ASAP1: variants seen among roughly 807,000 people sequenced by gnomAD.
The protein encoded by ASAP1 is ArfGAP with SH3 domain, ankyrin repeat and PH domain 1.
A neutral mutation model predicts 145.2 loss-of-function variants in ASAP1; 43 were observed. The ratio of observed to expected loss-of-function variants is 0.30; its 90% confidence interval spans 0.23 to 0.38. The LOEUF (loss-of-function observed/expected upper bound fraction) is 0.38, where lower values mean the gene tolerates loss of function less well. Among genes scored for constraint, ASAP1 ranks in the 10% least tolerant of loss-of-function variants. ASAP1 has a pLI of 1.00. For missense variants in ASAP1, 1,018 were observed against 1,355.3 expected (o/e 0.75, Z 3.91); for synonymous variants, 546 against 515.5 (o/e 1.06, Z -0.80).
intron 13 of ASAP1, among the ~76,000 whole-genome samples, chr8:130,148,598 G>T (rs2097638657): frequency 6.6e-6 from 1 of 152,070 alleles, no homozygotes; most frequent in Admixed American, 6.5e-5. Flanking sequence ...ATGTGACACT[G>T]GTTAATTCAC....
At chr8:130,235,562 T>C (rs1818165666) in intron 4 of ASAP1, among the ~76,000 whole-genome samples, 1 of 151,910 alleles carries the variant, frequency 6.6e-6, no homozygotes, top group Admixed American at 6.6e-5. Flanking sequence ...AGGGCAGGAG[T>C]TATAAATTAG....
chr8:130,437,528 T>A (rs1027944148), intron 1 of ASAP1, among the ~76,000 whole-genome samples: 3 of 152,150 alleles, frequency 2.0e-5, no homozygotes, highest in Admixed American at 6.5e-5. Flanking sequence ...CCATCCTGCA[T>A]CCCCCAAGGT....
intron 2 of ASAP1, among the ~76,000 whole-genome samples, chr8:130,400,449 T>A (rs1828734054): frequency 6.7e-6 from 1 of 150,024 alleles, no homozygotes; most frequent in Non-Finnish European, 1.5e-5. Flanking sequence ...CAAAATGGAA[T>A]AAATCATATC....
intron 1 of ASAP1, among the ~76,000 whole-genome samples, chr8:130,406,206 C>A (rs1288792302): frequency 1.3e-5 from 2 of 152,084 alleles, no homozygotes; most frequent in Non-Finnish European, 2.9e-5. Context: ...AAAGACAGAG[C>A]AAAGAACAAA....
At chr8:130,382,980 T>C (rs1827850778) in intron 2 of ASAP1, among the ~76,000 whole-genome samples, 1 of 152,038 alleles carries the variant, frequency 6.6e-6, no homozygotes, top group South Asian at 2.1e-4. Context: ...GCAGAGTGGA[T>C]AAGGAAGTCC....
intron 11 of ASAP1, 121 bp from the exon 12 acceptor site, chr8:130,160,085 G>A (rs1212458043): frequency 2.5e-6 from 2 of 803,684 alleles, no homozygotes; most frequent in Non-Finnish European, 4.2e-6. Flanking sequence ...AACTTTAAGA[G>A]CTGTCAGGTC....
intron 23 of ASAP1, among the ~76,000 whole-genome samples, chr8:130,113,939 G>A (rs116972294): frequency 0.017 from 2,655 of 151,906 alleles, 36 homozygotes; most frequent in East Asian, 0.053. Context: ...ACACCACCAC[G>A]GCCAGCTAAT....
intron 2 of ASAP1, among the ~76,000 whole-genome samples, chr8:130,372,034 C>T (rs539488780): frequency 6.6e-6 from 1 of 152,282 alleles, no homozygotes; most frequent in South Asian, 2.1e-4. Context: ...ATTTAAGAGG[C>T]TTAGGGATCC....
At chr8:130,375,339 G>C (rs1463889624) in intron 2 of ASAP1, among the ~76,000 whole-genome samples, 1 of 152,052 alleles carries the variant, frequency 6.6e-6, no homozygotes, top group Non-Finnish European at 1.5e-5. Context: ...TGGGAAGAGA[G>C]GCCCAAGGGG....
intron 9 of ASAP1, among the ~76,000 whole-genome samples, chr8:130,175,466 T>G (rs575315558): frequency 6.6e-6 from 1 of 152,278 alleles, no homozygotes; most frequent in South Asian, 2.1e-4. Flanking sequence ...GCTCAAGTGA[T>G]CCTCCTGCAT....
At chr8:130,314,834 AGACT>A (rs1436086552) in intron 3 of ASAP1, among the ~76,000 whole-genome samples, 1 of 152,270 alleles carries the variant, frequency 6.6e-6, no homozygotes, top group Non-Finnish European at 1.5e-5. Flanking sequence ...CAGCCACAGC[AGACT>A]GACCACTTTA....
At chr8:130,369,485 A>G (rs977444276) in intron 2 of ASAP1, among the ~76,000 whole-genome samples, 5 of 152,226 alleles carry the variant, frequency 3.3e-5, no homozygotes, top group African/African-American at 1.2e-4. Flanking sequence ...TATTTGATAA[A>G]GGCCTAGTAT....
At chr8:130,061,095 G>C in intron 27 of ASAP1, 26 bp from the exon 28 acceptor site, 1 of 1,518,942 alleles carries the variant, frequency 6.6e-7, no homozygotes, top group Non-Finnish European at 8.8e-7. Context: ...AAAACAAGGA[G>C]GTCATTGGTG....
At chr8:130,104,682 G>C (rs2097534151) in intron 24 of ASAP1, among the ~76,000 whole-genome samples, 1 of 152,204 alleles carries the variant, frequency 6.6e-6, no homozygotes. Flanking sequence ...ATGTTCAAGT[G>C]CTATTTCTTT....
intron 3 of ASAP1, among the ~76,000 whole-genome samples, chr8:130,349,492 A>T (rs899356012): frequency 6.6e-6 from 1 of 152,198 alleles, no homozygotes; most frequent in Non-Finnish European, 1.5e-5. Flanking sequence ...ACAGATACTG[A>T]CTCACTGAGA....
At chr8:130,434,454 A>G (rs1830239726) in intron 1 of ASAP1, among the ~76,000 whole-genome samples, 1 of 152,238 alleles carries the variant, frequency 6.6e-6, no homozygotes, top group Non-Finnish European at 1.5e-5. Flanking sequence ...CGCCTATTTC[A>G]TAGGGTTATT....
intron 27 of ASAP1, chr8:130,069,604 C>G (rs2097437906): frequency 1.3e-5 from 2 of 152,222 alleles, no homozygotes; most frequent in African/African-American, 4.8e-5. Context: ...CCATGCTAAT[C>G]TTCTCTGTAT....
intron 27 of ASAP1, among the ~76,000 whole-genome samples, chr8:130,075,284 T>A (rs1230088983): frequency 6.6e-6 from 1 of 152,210 alleles, no homozygotes; most frequent in East Asian, 1.9e-4. Context: ...TTGCATCTGT[T>A]CTACGGAAAG....
chr8:130,304,864 G>C lies in ASAP1; in HGVS notation c.186+53153C>G, dbSNP rs1350416516. The stretch of plus-strand genomic sequence containing the variant: ...AAATTACAAAACAAAACAAACAAAT[G>C]GAAAACCCAAAACAACAAAACTCCA... On this transcript the variant is annotated intron_variant, in intron 3 of 29. Coordinates refer to ENST00000518721, the MANE Select transcript of ASAP1 (RefSeq NM_018482.4). Among the ~76,000 whole-genome samples, 3 of 152,100 alleles carry C rather than the reference G, an allele frequency of 2.0e-5. No individual in the cohort carries two copies. In the South Asian group the frequency reaches 6.2e-4, roughly 32 times the overall value.
Sources: allele counts gnomAD v4.1 joint callset (sites outside exome capture counted in the v4.1 genomes callset), GRCh38; gene constraint gnomAD v4.1.1; transcripts MANE v1.5; gene names NCBI Gene and HGNC (gene_info 2026-07-23, HGNC 2026-07-21).